ARHGEF26: variants seen among roughly 807,000 people sequenced by gnomAD.
ARHGEF26 encodes the protein Rho guanine nucleotide exchange factor 26, also known as Rho guanine nucleotide exchange factor (GEF) 26.
ARHGEF26 carries 59 observed loss-of-function variants against 89.4 expected under a neutral mutation model. The ratio of observed to expected loss-of-function variants is 0.66; its 90% CI spans 0.54 to 0.82. ARHGEF26 has a LOEUF of 0.82. Among genes scored for constraint, ARHGEF26 ranks in the 40% least tolerant of loss-of-function variants. The pLI is 0.00. For missense variants in ARHGEF26, 1,234 were observed against 1,085.6 expected (o/e 1.14, Z -1.92); for synonymous variants, 500 against 428.4 (o/e 1.17, Z -2.06).
chr3:154,139,525 T>C (rs1576692518), intron 4 of ARHGEF26, among the ~76,000 whole-genome samples: 1 of 152,124 alleles, frequency 6.6e-6, no homozygotes, highest in Non-Finnish European at 1.5e-5. Flanking sequence ...TAGAAAGGCT[T>C]TTTCATACTG....
chr3:154,183,369 G>A (rs9864587), intron 6 of ARHGEF26, among the ~76,000 whole-genome samples: 2 of 152,228 alleles, frequency 1.3e-5, no homozygotes, highest in African/African-American at 4.8e-5. Context: ...ACTACAAAGA[G>A]GAAATAAGTG....
At chr3:154,203,046 G>A (rs900921404) in intron 9 of ARHGEF26, among the ~76,000 whole-genome samples, 2 of 152,190 alleles carry the variant, frequency 1.3e-5, no homozygotes, top group Non-Finnish European at 2.9e-5. Flanking sequence ...TTGAATAGGA[G>A]TGGGGAGAGA....
At chr3:154,157,525 T>C (rs1711498555) in intron 6 of ARHGEF26, among the ~76,000 whole-genome samples, 1 of 152,084 alleles carries the variant, frequency 6.6e-6, no homozygotes, top group Admixed American at 6.6e-5. Flanking sequence ...TGTGGCATTG[T>C]AGAGAACAGT....
chr3:154,181,003 G>A (rs1479959084), intron 6 of ARHGEF26, among the ~76,000 whole-genome samples: 1 of 152,140 alleles, frequency 6.6e-6, no homozygotes, highest in South Asian at 2.1e-4. Flanking sequence ...CTGCATGTAG[G>A]CAGAGTGCCA....
At chr3:154,186,871 T>G (rs1385702273) in intron 6 of ARHGEF26, among the ~76,000 whole-genome samples, 2 of 149,320 alleles carry the variant, frequency 1.3e-5, no homozygotes, top group African/African-American at 2.5e-5. Context: ...CATATACTGT[T>G]AGATTTATTT....
At chr3:154,151,838 GGAC>G (rs1720041299) in intron 5 of ARHGEF26, among the ~76,000 whole-genome samples, 3 of 152,278 alleles carry the variant, frequency 2.0e-5, no homozygotes, top group Non-Finnish European at 4.4e-5. Context: ...TTTGGGGCAA[GGAC>G]TTGAAGGGGT....
At chr3:154,214,190 C>T (rs1289657957) in intron 9 of ARHGEF26, among the ~76,000 whole-genome samples, 3 of 152,162 alleles carry the variant, frequency 2.0e-5, no homozygotes, top group South Asian at 4.1e-4. Flanking sequence ...CATGAAGGGT[C>T]TTGCTAAGAC....
chr3:154,187,998 G>T lies in ARHGEF26; in HGVS notation c.1640+161G>T, dbSNP rs527544842. On this transcript the variant is annotated intron_variant, in intron 7 of 14. Coordinates refer to ENST00000465093, the MANE Select transcript of ARHGEF26 (RefSeq NM_015595.4). ...TAAGAGCATTACTTTTAGGGTGAGG[G>T]TGTTTAAGTAGAAAAATCTAGTGTG... Among the ~76,000 whole-genome samples, 10 of 152,288 alleles carry T rather than the reference G, an allele frequency of 6.6e-5. No homozygotes were observed. In the South Asian group the frequency reaches 2.1e-3, roughly 32 times the overall value.
intron 9 of ARHGEF26, among the ~76,000 whole-genome samples, chr3:154,199,733 C>G (rs569142008): frequency 6.6e-6 from 1 of 151,970 alleles, no homozygotes; most frequent in Non-Finnish European, 1.5e-5. Context: ...TTTGTTATTG[C>G]CTGTCTTTTG....
At chr3:154,212,882 A>T (rs956713919) in intron 9 of ARHGEF26, among the ~76,000 whole-genome samples, 1 of 152,068 alleles carries the variant, frequency 6.6e-6, no homozygotes, top group African/African-American at 2.4e-5. Flanking sequence ...CATGGTATAT[A>T]TGGTACCTAT....
At chr3:154,154,818 C>T (rs1372572125) in intron 6 of ARHGEF26, among the ~76,000 whole-genome samples, 1 of 151,954 alleles carries the variant, frequency 6.6e-6, no homozygotes, top group Admixed American at 6.6e-5. Flanking sequence ...GTTTATTCAT[C>T]CAGCCGCCTA....
chr3:154,138,554 T>C (rs911172905), intron 4 of ARHGEF26, among the ~76,000 whole-genome samples: 16 of 152,120 alleles, frequency 1.1e-4, no homozygotes, highest in Admixed American at 6.5e-4. Flanking sequence ...CAGTGAAGTG[T>C]TGGGATATGG....
intron 11 of ARHGEF26, among the ~76,000 whole-genome samples, chr3:154,236,748 C>T (rs1018844847): frequency 2.0e-5 from 3 of 152,192 alleles, no homozygotes; most frequent in African/African-American, 7.2e-5. Context: ...TCTACTGAAG[C>T]ACTACTGTTA....
intron 11 of ARHGEF26, among the ~76,000 whole-genome samples, chr3:154,234,163 T>TA (rs1424889893): frequency 5.3e-5 from 8 of 152,174 alleles, no homozygotes; most frequent in African/African-American, 1.9e-4. Context: ...ACGTGAGAGT[T>TA]ACACCTACAG....
intron 4 of ARHGEF26, 114 bp downstream of exon 4, chr3:154,129,833 A>C: frequency 1.6e-6 from 2 of 1,219,434 alleles, no homozygotes; most frequent in Non-Finnish European, 2.3e-6. Flanking sequence ...AAGGAGAAAG[A>C]CTCTTTTTAG....
At chr3:154,121,330 T>A (rs1422337060), upstream of ARHGEF26, 2 of 150,810 alleles carry the variant, frequency 1.3e-5, no homozygotes, top group African/African-American at 4.9e-5. Context: ...TGGAGGCGGA[T>A]CTGGGCGGGG....
intron 6 of ARHGEF26, among the ~76,000 whole-genome samples, chr3:154,156,947 A>G (rs1454961286): frequency 1.3e-5 from 2 of 152,174 alleles, no homozygotes; most frequent in Admixed American, 1.3e-4. Flanking sequence ...GACATATTCA[A>G]TATAGGTTGC....
intron 10 of ARHGEF26, among the ~76,000 whole-genome samples, chr3:154,224,260 T>A (rs1338410214): frequency 6.6e-6 from 1 of 152,174 alleles, no homozygotes; most frequent in Non-Finnish European, 1.5e-5. Flanking sequence ...AAACATAAAC[T>A]ATATATAAAA....
chr3:154,139,327 T>C (rs1719214928), intron 4 of ARHGEF26, among the ~76,000 whole-genome samples: 1 of 152,202 alleles, frequency 6.6e-6, no homozygotes, highest in Non-Finnish European at 1.5e-5. Flanking sequence ...TTATCAATCT[T>C]GTACTTTTAA....
Sources: gnomAD v4.1 joint callset for allele counts (sites outside exome capture counted in the v4.1 genomes callset) on GRCh38, gnomAD v4.1.1 for gene constraint, MANE v1.5 for transcripts, NCBI Gene and HGNC (gene_info 2026-07-23, HGNC 2026-07-21) for gene names.